LETMD1: variants seen among roughly 807,000 people sequenced by gnomAD.
The protein encoded by LETMD1 is LETM1 domain containing 1, also known as LETM1 domain-containing protein 1.
In LETMD1, 30 loss-of-function variants were observed where a neutral mutation model predicts 43.9. The observed-to-expected ratio is 0.68, with a 90% CI of 0.51 to 0.93. The LOEUF (loss-of-function observed/expected upper bound fraction) is 0.93. Ranked by LOEUF, LETMD1 falls within the 40% of genes least tolerant of loss-of-function variation. LETMD1 has a pLI of 0.00. For missense variants in LETMD1, 413 were observed against 447.7 expected (o/e 0.92, Z 0.70); for synonymous variants, 176 against 163.1 (o/e 1.08, Z -0.60).
At chr12:51,048,323 C>T, upstream of LETMD1, 1 of 1,613,844 alleles carries the variant, frequency 6.2e-7, no homozygotes. Context: ...GACCCAAAGA[C>T]AACCTCTTCT....
At chr12:51,048,664 A>G (rs1945036713) in intron 1 of LETMD1, 186 bp downstream of exon 1, 1 of 702,288 alleles carries the variant, frequency 1.4e-6, no homozygotes, top group Non-Finnish European at 2.3e-6. Flanking sequence ...CTGTACTCTC[A>G]GTGCCCCATA....
In LETMD1 at chr12:51,056,479, C is replaced by G. The variant is rs571927790; in HGVS notation, c.892C>G (p.Leu298Val). The change falls in exon 7 of 9, where the codon CTG becomes GTG. Residue 298 changes from leucine (L) to valine (V), a missense_variant. Leu to Val is a conservative substitution (Grantham distance 32). Coordinates refer to ENST00000262055, the MANE Select transcript of LETMD1 (RefSeq NM_015416.5). ...TTTGGCAAAGCTGGGGATTGGCCAG[C>G]TGACTGCTCAGGAAGTAAAATCGGT... ...KALAKLGIGQ[L>V]TAQEVKSACY... 4 of 1,614,182 alleles carry G rather than the reference C, an allele frequency of 2.5e-6. No individual in the cohort carries two copies. The African/African-American group carries it at 5.3e-5, about 22-fold the overall frequency.
rs566950765 is a variant in LETMD1, at chr12:51,054,816, C to T, written c.473+956C>T. 2.6e-3 allele frequency among the ~76,000 whole-genome samples: 402 copies of T among 152,198 alleles called. 1 individual carries two copies. The highest frequency in any genetic ancestry group is 9.2e-3 in the African/African-American group (382 of 41,544). On this transcript the variant is annotated intron_variant, in intron 4 of 8. Coordinates refer to ENST00000262055, the MANE Select transcript of LETMD1 (RefSeq NM_015416.5). ...TAGATAAATAAATTAAAAAACAAAT[C>T]GTGGCCAGGTGCAGTGGCTCACGCC...
Position 51,052,564 on chromosome 12 carries a change from C to T in LETMD1, c.390+357C>T, listed in dbSNP as rs1031239073. On this transcript the variant is annotated intron_variant, in intron 3 of 8. Transcript: ENST00000262055. ...TTGGGAAGCCGAGGCAGGCAGATCA[C>T]GAAGTCAGGAATTCGAGACCAGCCT... Among the ~76,000 whole-genome samples the T allele has an allele frequency of 1.6e-4, 25 of 152,236 alleles. No homozygotes were observed. In the East Asian group the frequency reaches 4.4e-3, roughly 27 times the overall value.
intron 8 of LETMD1, chr12:51,058,688 T>C: frequency 6.3e-6 from 1 of 159,394 alleles, no homozygotes; most frequent in Non-Finnish European, 1.4e-5. Context: ...TCCCAAAGTT[T>C]TGGGATCACT....
chr12:51,068,873 C>T, the LETMD1 span, among the ~76,000 whole-genome samples: 5 of 152,208 alleles, frequency 3.3e-5, no homozygotes, highest in African/African-American at 9.6e-5. Flanking sequence ...ATTATCTGTG[C>T]ATGCACTAAA....
chr12:51,067,528 T>G, the LETMD1 span: 1 of 732,740 alleles, frequency 1.4e-6, no homozygotes, highest in African/African-American at 1.8e-5. The surrounding 1 kb of genome is among the most constrained non-coding windows in gnomAD (Gnocchi z 4.1). Flanking sequence ...GCTTACTCTG[T>G]TGACGGAGGA....
intron 3 of LETMD1, 140 bp from the exon 4 acceptor site, chr12:51,053,638 A>G: frequency 6.3e-6 from 4 of 634,382 alleles, no homozygotes; most frequent in South Asian, 2.0e-5. Flanking sequence ...GCAAGACTCC[A>G]TCTCAAAAAG....
chr12:51,067,637 G>T, the LETMD1 span: 1 of 1,594,710 alleles, frequency 6.3e-7, no homozygotes, highest in Non-Finnish European at 8.6e-7. This position sits in a 1 kb window ranked among gnomAD's most constrained non-coding sequence, Gnocchi z 4.1. Context: ...GCTGACCCTG[G>T]TGTAGATATA....
Position 51,055,921 on chromosome 12 carries a change from G to A in LETMD1, c.560G>A (p.Arg187Gln), listed in dbSNP as rs774693353. ...TDFLDIYHAF[R>Q]KQSHPEIISY... ...TTCTTAGATATCTATCATGCTTTCC[G>A]GAAGCAGTCCCACCCAGAAATTATT... Residue 187 changes from arginine to glutamine, a missense_variant, in exon 5 of 9, where the codon CGG becomes CAG. By Grantham distance (43) the Arg-to-Gln change is conservative. Transcript: ENST00000262055. 27 of 1,613,706 alleles carry A rather than the reference G, an allele frequency of 1.7e-5. No homozygotes were observed. Among genetic ancestry groups the A allele is most frequent in the Non-Finnish European group, 2.0e-5 (24 of 1,179,854 alleles).
chr12:51,051,360 C>T (rs562645484), intron 2 of LETMD1, among the ~76,000 whole-genome samples: 48 of 151,794 alleles, frequency 3.2e-4, no homozygotes, highest in Non-Finnish European at 4.1e-4. Context: ...GCCGAGATTG[C>T]GCCACTGCAC....
chr12:51,055,911 C>T lies in LETMD1; in HGVS notation c.550C>T (p.His184Tyr). 1 of 1,613,916 alleles carries T rather than the reference C, an allele frequency of 6.2e-7. No individual in the cohort carries two copies. Among genetic ancestry groups the T allele is most frequent in the South Asian group, 1.1e-5 (1 of 91,074 alleles). The change falls in exon 5 of 9, where the codon CAT becomes TAT. Residue 184 changes from histidine (H) to tyrosine (Y), a missense_variant. By Grantham distance (83) the His-to-Tyr change is moderately conservative. Coordinates refer to ENST00000262055, the MANE Select transcript of LETMD1 (RefSeq NM_015416.5). ...KQQTDFLDIY[H>Y]AFRKQSHPEI... is the part of the protein sequence containing the mutation. ...ACAAACTGATTTCTTAGATATCTAT[C>T]ATGCTTTCCGGAAGCAGTCCCACCC...
At chr12:51,056,047 C>CA in intron 5 of LETMD1, 26 bp downstream of exon 5, 1 of 1,611,024 alleles carries the variant, frequency 6.2e-7, no homozygotes. Context: ...ACCCTTCCTA[C>CA]AAATGTGGAA....
At chr12:51,053,884 C>T (rs752282742) in intron 4 of LETMD1, 24 bp downstream of exon 4, 20 of 1,463,154 alleles carry the variant, frequency 1.4e-5, no homozygotes, top group Admixed American at 7.6e-5. Context: ...TCCATCTCCC[C>T]AACATCTTGA....
In LETMD1 at chr12:51,055,760, A is replaced by G. The variant is rs1175315683; in HGVS notation, c.474-75A>G. On this transcript the variant is annotated intron_variant, in intron 4 of 8. Transcript: ENST00000262055. ...TCTCTTCTTCCTAGTATTCATGTCT[A>G]CCAAATGCTTTCTTTGGCTTCCTCT... 4.0e-6 allele frequency: 4 copies of G among 1,001,054 alleles called. No individual in the cohort carries two copies. In the South Asian group the frequency reaches 4.8e-5, roughly 12 times the overall value. 62.0% of individuals were successfully genotyped at this position (1,001,054 alleles called of 1,614,324 possible).
downstream of LETMD1, chr12:51,063,842 C>T (rs765804181): frequency 1.1e-5 from 18 of 1,613,730 alleles, no homozygotes; most frequent in South Asian, 3.3e-5. Context: ...CTTCATTGTC[C>T]GTGCGGAAGG....
the LETMD1 span, among the ~76,000 whole-genome samples, chr12:51,067,174 T>G: frequency 1.3e-5 from 2 of 151,832 alleles, no homozygotes; most frequent in African/African-American, 4.8e-5. This position sits in a 1 kb window ranked among gnomAD's most constrained non-coding sequence, Gnocchi z 4.1. Flanking sequence ...GGAAACAGTA[T>G]TTAGGAAATA....
intron 4 of LETMD1, among the ~76,000 whole-genome samples, chr12:51,055,015 G>A (rs1025345486): frequency 2.0e-5 from 3 of 151,926 alleles, no homozygotes; most frequent in Admixed American, 1.3e-4. Context: ...CAGTAGAATC[G>A]CATGAACCCA....
chr12:51,066,001 G>A, the LETMD1 span, among the ~76,000 whole-genome samples: 2 of 152,322 alleles, frequency 1.3e-5, no homozygotes, highest in East Asian at 1.9e-4. Context: ...CAACTGAAAT[G>A]TGTCTTAAAC....
Sources: allele counts gnomAD v4.1 joint callset (sites outside exome capture counted in the v4.1 genomes callset), GRCh38; gene constraint gnomAD v4.1.1; non-coding constraint Gnocchi (gnomAD v3.1); transcripts MANE v1.5; gene names NCBI Gene and HGNC (gene_info 2026-07-23, HGNC 2026-07-21).